The following TMPRSS7 variants were observed in gnomAD, a reference collection of about 807,000 sequenced individuals.
TMPRSS7 encodes the protein transmembrane serine protease 7, also known as transmembrane protease serine 7.
Under a neutral mutation model 95.6 loss-of-function variants are expected in TMPRSS7, and 81 were observed. The ratio of observed to expected loss-of-function variants is 0.85; its 90% CI spans 0.71 to 1.02. The LOEUF is 1.02. TMPRSS7 is among the 50% of genes least tolerant of loss of function. The pLI is 0.00. For synonymous variants in TMPRSS7, 364 were observed against 337.8 expected (o/e 1.08, Z -0.85); for missense variants, 945 against 955.2 (o/e 0.99, Z 0.14).
In TMPRSS7 at chr3:112,060,962, C is replaced by T. The variant is rs146059458; in HGVS notation, c.1311-825C>T. On this transcript the variant is annotated intron_variant, in intron 10 of 17. Coordinates refer to ENST00000452346, the Ensembl canonical transcript of TMPRSS7. ...ATGTCCATGAAATCTTCAGAATCCACGTTCTTCTGCCATGGCTTCAGCCGG... is the reference window on the plus strand; with the variant it reads ...ATGTCCATGAAATCTTCAGAATCCATGTTCTTCTGCCATGGCTTCAGCCGG... 1.1e-3 allele frequency among the ~76,000 whole-genome samples: 162 copies of T among 152,296 alleles called. 9 individuals carry two copies. In the South Asian group the frequency reaches 0.025, roughly 23 times the overall value.
At chr3:112,073,089 C>CATTTTT (rs2073670367) in intron 13 of TMPRSS7, among the ~76,000 whole-genome samples, 1 of 128,464 alleles carries the variant, frequency 7.8e-6, no homozygotes, top group Non-Finnish European at 1.7e-5. Context: ...TGTTTCCTGA[C>CATTTTT]TTTTTTTTTT....
chr3:112,054,729 CTTTTTTTTTTTTTTTTTTT>C, intron 9 of TMPRSS7, among the ~76,000 whole-genome samples: 1 of 49,026 alleles, frequency 2.0e-5, no homozygotes, highest in South Asian at 1.3e-3. Flanking sequence ...TCTCAGTTTG[CTTTTTTTTTTTTTTTTTTT>C]TTTTTTTTTT....
chr3:112,064,176 T>C (rs1021193056), intron 12 of TMPRSS7, among the ~76,000 whole-genome samples: 2 of 152,160 alleles, frequency 1.3e-5, no homozygotes, highest in African/African-American at 4.8e-5. Context: ...CTGTGGCTAA[T>C]AATTTAATTT....
chr3:112,066,514 T>A lies in TMPRSS7; in HGVS notation c.1666+12T>A. The stretch of plus-strand genomic sequence containing the variant: ...AAACTGCACTCAAAGTGAGGGAGAG[T>A]CCTCTGTGCCCTGCTGTTCCTCCTA... On this transcript the variant is annotated intron_variant, in intron 13 of 17. Transcript: ENST00000452346. 1.9e-6 allele frequency: 3 copies of A among 1,608,104 alleles called. No homozygotes were observed. The Middle Eastern group carries it at 5.3e-4, about 282-fold the overall frequency.
At chr3:112,056,421 A>G (rs2073434038) in intron 9 of TMPRSS7, among the ~76,000 whole-genome samples, 1 of 152,236 alleles carries the variant, frequency 6.6e-6, no homozygotes, top group Non-Finnish European at 1.5e-5. Context: ...CAGACATAAT[A>G]CAGATGTATA....
exon 12 of TMPRSS7, chr3:112,063,534 T>C (rs778958794): frequency 1.9e-6 from 3 of 1,614,050 alleles, no homozygotes; most frequent in Non-Finnish European, 2.5e-6. Context: ...GCCTGCCCTG[T>C]TGGATCTTTT....
At chr3:112,071,619 A>T (rs1007427993) in intron 13 of TMPRSS7, among the ~76,000 whole-genome samples, 1 of 152,170 alleles carries the variant, frequency 6.6e-6, no homozygotes, top group African/African-American at 2.4e-5. Flanking sequence ...ACATAGTCGC[A>T]TATTTCTTGG....
intron 12 of TMPRSS7, among the ~76,000 whole-genome samples, chr3:112,064,355 T>TCTTTTTTTTC (rs2107754554): frequency 1.3e-5 from 2 of 151,238 alleles, no homozygotes; most frequent in South Asian, 4.2e-4. Context: ...TGTTTTCTTT[T>TCTTTTTTTTC]CTTTTTTCTT....
chr3:112,047,785 C>T, exon 7 of TMPRSS7: 7 of 1,614,074 alleles, frequency 4.3e-6, no homozygotes, highest in South Asian at 2.2e-5. Flanking sequence ...TGTCTCTCCA[C>T]TACCCGCTGG....
intron 9 of TMPRSS7, 99 bp from the exon 10 acceptor site, chr3:112,056,926 G>A (rs1464575589): frequency 5.3e-6 from 4 of 756,534 alleles, no homozygotes; most frequent in African/African-American, 1.8e-5. Context: ...AGGGCCACAG[G>A]GCGCAAGTAG....
At chr3:112,065,226 C>G (rs1483269194) in intron 12 of TMPRSS7, among the ~76,000 whole-genome samples, 1 of 152,000 alleles carries the variant, frequency 6.6e-6, no homozygotes, top group African/African-American at 2.4e-5. Flanking sequence ...GTTTTTCATA[C>G]AGATGAGGTC....
intron 3 of TMPRSS7, among the ~76,000 whole-genome samples, 195 bp downstream of exon 3, chr3:112,042,245 C>T (rs2073218112): frequency 6.6e-6 from 1 of 152,030 alleles, no homozygotes; most frequent in African/African-American, 2.4e-5. Context: ...TCTCCCCCTG[C>T]CCCCATGCTC....
At chr3:112,048,174 T>C (rs1033630003) in intron 7 of TMPRSS7, among the ~76,000 whole-genome samples, 4 of 152,174 alleles carry the variant, frequency 2.6e-5, no homozygotes, top group South Asian at 4.1e-4. Context: ...TTTCCACTTA[T>C]AGCAAATACT....
chr3:112,064,545 T>G (rs2073551767), intron 12 of TMPRSS7, among the ~76,000 whole-genome samples: 1 of 152,012 alleles, frequency 6.6e-6, no homozygotes, highest in Admixed American at 6.6e-5. Flanking sequence ...AAAGACAATG[T>G]CTTTAATAAA....
intron 10 of TMPRSS7, among the ~76,000 whole-genome samples, chr3:112,060,118 A>G (rs570278343): frequency 2.0e-5 from 3 of 152,226 alleles, no homozygotes; most frequent in Non-Finnish European, 4.4e-5. Context: ...GCAAGTTTTT[A>G]TTAGTGATTT....
chr3:112,047,029 G>T lies in TMPRSS7; in HGVS notation c.730+17G>T, dbSNP rs1188887626. ...TAGGATCTGGTAAATTCTTTCATGT[G>T]GTTCCCCCTCCCCCCATGTTAATAT... On this transcript the variant is annotated intron_variant, in intron 6 of 17. Coordinates refer to ENST00000452346, the Ensembl canonical transcript of TMPRSS7. 2.8e-6 allele frequency: 2 copies of T among 701,800 alleles called. No homozygotes were observed. Among genetic ancestry groups the T allele is most frequent in the Admixed American group, 4.0e-5 (2 of 49,850 alleles). The allele number at this position is 701,800 out of a possible 1,614,324, so 43.5% of individuals were successfully genotyped here.
intron 2 of TMPRSS7, among the ~76,000 whole-genome samples, chr3:112,039,332 A>G (rs2073182572): frequency 6.6e-6 from 1 of 152,220 alleles, no homozygotes; most frequent in South Asian, 2.1e-4. Flanking sequence ...AACTTCCTGA[A>G]TGATAGGAGT....
At chr3:112,036,437 G>T (rs1042319002) in intron 1 of TMPRSS7, among the ~76,000 whole-genome samples, 1 of 152,050 alleles carries the variant, frequency 6.6e-6, no homozygotes, top group Non-Finnish European at 1.5e-5. Flanking sequence ...GTGTGGTGGT[G>T]AGTGCCTGTA....
At chr3:112,081,187 C>T (rs532364753), downstream of TMPRSS7, 32 of 1,134,680 alleles carry the variant, frequency 2.8e-5, no homozygotes, top group East Asian at 2.8e-4. Flanking sequence ...AATCCCAGCA[C>T]GTTGGGAGGC....
Sources: allele counts gnomAD v4.1 joint callset (sites outside exome capture counted in the v4.1 genomes callset), GRCh38; gene constraint gnomAD v4.1.1; transcripts MANE v1.5; gene names NCBI Gene and HGNC (gene_info 2026-07-23, HGNC 2026-07-21).